The following KCNB2 variants were observed in gnomAD, a reference collection of about 807,000 sequenced individuals.
KCNB2 encodes delayed rectifier potassium channel protein.
KCNB2 carries 15 observed loss-of-function variants against 61.5 expected under a neutral mutation model. The observed-to-expected ratio is 0.24, with a 90% CI of 0.16 to 0.38. KCNB2 has a LOEUF of 0.38. Among genes scored for constraint, KCNB2 ranks in the 10% least tolerant of loss-of-function variants. KCNB2 has a pLI of 1.00. For missense variants in KCNB2, 828 were observed against 1,125.2 expected, an observed-to-expected ratio of 0.74 and a Z score of 3.78; for synonymous variants, 457 against 446.0, an observed-to-expected ratio of 1.02 and a Z score of -0.31.
At chr8:72,777,420 A>C (rs1808674195) in intron 2 of KCNB2, among the ~76,000 whole-genome samples, 1 of 152,110 alleles carries the variant, frequency 6.6e-6, no homozygotes, top group African/African-American at 2.4e-5. Context: ...AGAGGACTGA[A>C]TAGTGTCTCA....
chr8:72,869,678 G>A (rs1375962605), intron 2 of KCNB2, among the ~76,000 whole-genome samples: 1 of 152,114 alleles, frequency 6.6e-6, no homozygotes, highest in East Asian at 1.9e-4. Flanking sequence ...CAGATTGGCT[G>A]TTATCAAAAA....
At chr8:72,699,561 T>C (rs1198976609) in intron 2 of KCNB2, among the ~76,000 whole-genome samples, 1 of 152,198 alleles carries the variant, frequency 6.6e-6, no homozygotes, top group Non-Finnish European at 1.5e-5. Context: ...TTCACTCTGA[T>C]GCTAGTTTCT....
At chr8:72,683,627 C>T (rs1289625322) in intron 2 of KCNB2, among the ~76,000 whole-genome samples, 1 of 152,142 alleles carries the variant, frequency 6.6e-6, no homozygotes, top group African/African-American at 2.4e-5. Context: ...TCAGGGAGAG[C>T]AGGACACCTT....
At chr8:72,639,565 C>T (rs1044504418) in intron 2 of KCNB2, among the ~76,000 whole-genome samples, 4 of 152,028 alleles carry the variant, frequency 2.6e-5, no homozygotes, top group Non-Finnish European at 4.4e-5. Context: ...ATTACTCTCC[C>T]GGATAGGAGC....
intron 2 of KCNB2, among the ~76,000 whole-genome samples, chr8:72,587,518 A>G (rs1306821012): frequency 6.6e-6 from 1 of 152,186 alleles, no homozygotes; most frequent in African/African-American, 2.4e-5. Flanking sequence ...TTTTGAGCCC[A>G]GGAGTTTGAG....
chr8:72,764,415 C>A (rs1808431235), intron 2 of KCNB2, among the ~76,000 whole-genome samples: 1 of 151,954 alleles, frequency 6.6e-6, no homozygotes, highest in Non-Finnish European at 1.5e-5. Context: ...AAGGAGGGGA[C>A]CCTAGGGGTT....
chr8:72,699,978 A>G (rs1213613687), intron 2 of KCNB2, among the ~76,000 whole-genome samples: 1 of 152,208 alleles, frequency 6.6e-6, no homozygotes. Flanking sequence ...GATAAAGAAA[A>G]TGTGGCACAT....
intron 2 of KCNB2, among the ~76,000 whole-genome samples, chr8:72,743,817 A>G (rs866111160): frequency 1.3e-5 from 2 of 152,208 alleles, no homozygotes; most frequent in South Asian, 2.1e-4. Context: ...TGTCAATCAC[A>G]TCAGATAAAA....
intron 2 of KCNB2, among the ~76,000 whole-genome samples, chr8:72,829,203 G>A (rs1377694332): frequency 2.6e-5 from 4 of 152,120 alleles, no homozygotes; most frequent in African/African-American, 9.7e-5. Context: ...GGATGTTGGA[G>A]GCCTGAATTA....
At chr8:72,863,483 G>C (rs1364040206) in intron 2 of KCNB2, among the ~76,000 whole-genome samples, 1 of 152,094 alleles carries the variant, frequency 6.6e-6, no homozygotes, top group East Asian at 1.9e-4. Context: ...ATCCTTTAAA[G>C]GAAAAGAAAA....
intron 2 of KCNB2, among the ~76,000 whole-genome samples, chr8:72,767,982 G>A (rs753968428): frequency 3.3e-5 from 5 of 152,114 alleles, no homozygotes; most frequent in East Asian, 3.8e-4. Flanking sequence ...GTTTTACATC[G>A]TTTCATGTGT....
rs1416678149 is a variant in KCNB2, at chr8:72,588,388, T to C, written c.579+20075T>C. Among the ~76,000 whole-genome samples the C allele has an allele frequency of 5.9e-5, 9 of 152,214 alleles. No homozygotes were observed. In the East Asian group the frequency reaches 1.7e-3, roughly 29 times the overall value. On this transcript the variant is annotated intron_variant, in intron 2 of 2. Transcript: ENST00000523207. ...CATGCACCACCACGCCGGCTAATTT[T>C]GTATTTTTAGTAGAGACGGGGTTTT...
At chr8:72,855,062 C>T (rs779557592) in intron 2 of KCNB2, among the ~76,000 whole-genome samples, 3 of 152,202 alleles carry the variant, frequency 2.0e-5, no homozygotes, top group Non-Finnish European at 4.4e-5. Context: ...CTGTCCTCCA[C>T]ACACCTGCCT....
intron 2 of KCNB2, among the ~76,000 whole-genome samples, chr8:72,913,973 T>C (rs897440725): frequency 7.9e-5 from 12 of 152,320 alleles, no homozygotes; most frequent in African/African-American, 2.9e-4. Flanking sequence ...AGGATGTGTC[T>C]TAGTACATTC....
chr8:72,644,885 C>T lies in KCNB2; in HGVS notation c.579+76572C>T, dbSNP rs367754850. On this transcript the variant is annotated intron_variant, in intron 2 of 2. Transcript: ENST00000523207. ...ACCAAACGAAATGAAAGTGAGGACT[C>T]AAGTCTAGGTCGGTTGACTCCAAGT... 9.9e-5 allele frequency among the ~76,000 whole-genome samples: 15 copies of T among 152,230 alleles called. No homozygotes were observed. The South Asian group carries it at 2.7e-3, about 27-fold the overall frequency.
intron 2 of KCNB2, among the ~76,000 whole-genome samples, chr8:72,802,704 G>C (rs1809152509): frequency 6.6e-6 from 1 of 152,036 alleles, no homozygotes; most frequent in Non-Finnish European, 1.5e-5. Context: ...ATCATCTTAG[G>C]GAGCCACCTT....
At chr8:72,763,037 T>C (rs1309757769) in intron 2 of KCNB2, among the ~76,000 whole-genome samples, 1 of 114,158 alleles carries the variant, frequency 8.8e-6, no homozygotes, top group Non-Finnish European at 1.8e-5. Context: ...ACGAGAACTT[T>C]GCAAAGTAAA....
intron 2 of KCNB2, among the ~76,000 whole-genome samples, chr8:72,579,369 G>A (rs886532906): frequency 2.6e-5 from 4 of 152,118 alleles, no homozygotes; most frequent in African/African-American, 7.2e-5. Context: ...GTAAGAGTCC[G>A]AATTGAAGAA....
At chr8:72,901,335 A>G (rs1585963607) in intron 2 of KCNB2, among the ~76,000 whole-genome samples, 2 of 152,326 alleles carry the variant, frequency 1.3e-5, no homozygotes, top group Middle Eastern at 3.4e-3. Flanking sequence ...AGGGTTTCAA[A>G]TAAAGAGACG....
Sources: allele counts gnomAD v4.1 joint callset (sites outside exome capture counted in the v4.1 genomes callset), GRCh38; gene constraint gnomAD v4.1.1; transcripts MANE v1.5; gene names NCBI Gene and HGNC (gene_info 2026-07-23, HGNC 2026-07-21).